Variants in HMCES observed in about 807,000 individuals in gnomAD.
HMCES encodes the protein abasic site processing protein HMCES.
A neutral mutation model predicts 35.1 loss-of-function variants in HMCES; 27 were observed. The observed-to-expected ratio is 0.77, with a 90% CI of 0.57 to 1.06. The LOEUF (loss-of-function observed/expected upper bound fraction) is 1.06, where lower values mean the gene tolerates loss of function less well. Among genes scored for constraint, HMCES ranks in the 50% least tolerant of loss-of-function variants. The pLI is 0.00. For synonymous variants in HMCES, 130 were observed against 154.7 expected (o/e 0.84, Z 1.18); for missense variants, 391 against 430.4 (o/e 0.91, Z 0.81).
chr3:129,304,026 T>G (rs1293671635), intron 6 of HMCES, among the ~76,000 whole-genome samples: 1 of 152,138 alleles, frequency 6.6e-6, no homozygotes, highest in Non-Finnish European at 1.5e-5. Flanking sequence ...ATTACAGGCA[T>G]GCACCACTGT....
chr3:129,291,580 C>A (rs2071015490), intron 4 of HMCES, among the ~76,000 whole-genome samples: 1 of 152,206 alleles, frequency 6.6e-6, no homozygotes, highest in African/African-American at 2.4e-5. Context: ...TTTGTAAGAA[C>A]AGACCACATT....
Position 129,290,728 on chromosome 3 carries a change from A to G in HMCES, c.377A>G (p.Tyr126Cys), listed in dbSNP as rs753745495. 2.8e-5 allele frequency: 45 copies of G among 1,613,514 alleles called. No individual in the cohort carries two copies. Among genetic ancestry groups the G allele is most frequent in the Admixed American group, 1.8e-4 (11 of 59,982 alleles). Reference protein sequence around the residue: ...RRCVVLADGFYEWQRCQGTNQ... With the variant: ...RRCVVLADGFCEWQRCQGTNQ... ...TGTGTCGTTTTAGCAGATGGATTCT[A>G]TGAGTGGCAGCGATGTCAGGGAACA... The change falls in exon 4 of 7, where the codon TAT (tyrosine) becomes TGT (cysteine). Residue 126 changes from tyrosine to cysteine, a missense_variant. Coordinates refer to ENST00000383463, the MANE Select transcript of HMCES (RefSeq NM_020187.3).
At chr3:129,285,497 G>T (rs1194911988) in intron 2 of HMCES, among the ~76,000 whole-genome samples, 4 of 151,928 alleles carry the variant, frequency 2.6e-5, no homozygotes, top group African/African-American at 9.7e-5. Context: ...TGTTGCCCAG[G>T]CTGCAGTGCA....
chr3:129,278,847 A>C (rs1379137822), upstream of HMCES: 1 of 150,802 alleles, frequency 6.6e-6, no homozygotes, highest in Non-Finnish European at 1.5e-5. Context: ...GGGTGGCCAA[A>C]GCGGAGCGGA....
chr3:129,302,038 C>T lies in HMCES; in HGVS notation c.724C>T (p.His242Tyr). Reference protein sequence around the residue: ...VSTQEALKLIHPTENITFHAV... With the variant: ...VSTQEALKLIYPTENITFHAV... Reference sequence around the variant, plus strand: ...AACTCAGGAAGCTCTGAAATTAATCCACCCAACAGAGAACATCACCTTCCA... The same window carrying T: ...AACTCAGGAAGCTCTGAAATTAATCTACCCAACAGAGAACATCACCTTCCA... Residue 242 changes from histidine (H) to tyrosine (Y), a missense_variant, in exon 6 of 7, where the codon CAC becomes TAC. His to Tyr is a moderately conservative substitution (Grantham distance 83). Coordinates refer to ENST00000383463, the MANE Select transcript of HMCES (RefSeq NM_020187.3). 2 of 1,614,146 alleles carry T rather than the reference C, an allele frequency of 1.2e-6. No individual in the cohort carries two copies. The highest frequency in any genetic ancestry group is 1.7e-6 in the Non-Finnish European group (2 of 1,180,018).
intron 3 of HMCES, among the ~76,000 whole-genome samples, chr3:129,289,527 T>C (rs964215744): frequency 2.6e-5 from 4 of 152,220 alleles, no homozygotes; most frequent in African/African-American, 9.6e-5. Flanking sequence ...TGTATTCTTT[T>C]ATTGTTATTG....
intron 5 of HMCES, among the ~76,000 whole-genome samples, chr3:129,299,432 C>T (rs111666642): frequency 2.6e-5 from 4 of 152,226 alleles, no homozygotes; most frequent in African/African-American, 9.6e-5. Context: ...CCTTCTCCTC[C>T]AATTAACTTC....
chr3:129,303,235 G>C (rs931511590), intron 6 of HMCES, among the ~76,000 whole-genome samples: 1 of 152,162 alleles, frequency 6.6e-6, no homozygotes, highest in African/African-American at 2.4e-5. Context: ...AGTAGTGATT[G>C]TTTTTAGGTG....
At chr3:129,300,730 A>T (rs548392090) in intron 5 of HMCES, among the ~76,000 whole-genome samples, 2 of 150,960 alleles carry the variant, frequency 1.3e-5, no homozygotes, top group Non-Finnish European at 2.9e-5. Context: ...CCCCATCTCT[A>T]CTAAAAATAC....
At chr3:129,292,506 T>C (rs2071033173) in intron 4 of HMCES, among the ~76,000 whole-genome samples, 1 of 149,786 alleles carries the variant, frequency 6.7e-6, no homozygotes, top group African/African-American at 2.5e-5. Context: ...TCTTTTTTTT[T>C]TTTTGAGACA....
chr3:129,282,933 G>A (rs755545296), intron 2 of HMCES, among the ~76,000 whole-genome samples: 1 of 152,214 alleles, frequency 6.6e-6, no homozygotes, highest in Non-Finnish European at 1.5e-5. Flanking sequence ...TTGGTTTACA[G>A]TTGTCAAGGG....
At chr3:129,288,264 A>C (rs1183007611) in intron 2 of HMCES, among the ~76,000 whole-genome samples, 1 of 149,124 alleles carries the variant, frequency 6.7e-6, no homozygotes, top group Non-Finnish European at 1.5e-5. Context: ...AACAGAGCGA[A>C]ACTGTCTCTA....
chr3:129,284,128 T>C (rs1272779779), intron 2 of HMCES, among the ~76,000 whole-genome samples: 2 of 152,242 alleles, frequency 1.3e-5, no homozygotes, highest in African/African-American at 4.8e-5. Flanking sequence ...CAAATTTGAG[T>C]ACCTTGATGT....
At chr3:129,295,862 T>C (rs768059472) in intron 4 of HMCES, among the ~76,000 whole-genome samples, 3 of 152,214 alleles carry the variant, frequency 2.0e-5, no homozygotes, top group Non-Finnish European at 4.4e-5. Context: ...TGCTTGGATC[T>C]GCAGTTTGAT....
chr3:129,283,418 A>AC (rs968428832), intron 2 of HMCES, among the ~76,000 whole-genome samples: 73 of 148,830 alleles, frequency 4.9e-4, no homozygotes, highest in African/African-American at 1.7e-3. Context: ...TACAACCTTG[A>AC]CCTCCCAGGC....
At chr3:129,281,581 C>A (rs962693536) in intron 2 of HMCES, among the ~76,000 whole-genome samples, 1 of 152,036 alleles carries the variant, frequency 6.6e-6, no homozygotes, top group Non-Finnish European at 1.5e-5. Flanking sequence ...ATCTCAGCTA[C>A]TTGGGAGGCT....
intron 4 of HMCES, 66 bp downstream of exon 4, chr3:129,290,870 C>A: frequency 1.4e-6 from 2 of 1,459,960 alleles, no homozygotes. Flanking sequence ...ATCCAAAGGA[C>A]ATTTTTTTCT....
chr3:129,291,120 T>G (rs2071010174), intron 4 of HMCES, among the ~76,000 whole-genome samples: 1 of 152,064 alleles, frequency 6.6e-6, no homozygotes, highest in Non-Finnish European at 1.5e-5. Flanking sequence ...GAGGATCACT[T>G]GAACCCACGA....
At position 129,304,273 on chromosome 3, in the gene HMCES, C is replaced by T. The variant is rs1028398308; in HGVS notation, c.829-316C>T. On this transcript the variant is annotated intron_variant, in intron 6 of 6. Coordinates refer to ENST00000383463, the MANE Select transcript of HMCES (RefSeq NM_020187.3). ...CTCTCCAGTCTCGTTTTCCAACACT[C>T]CCCCTGGGTCATGCTGAATTACATT... 2.0e-5 allele frequency among the ~76,000 whole-genome samples: 3 copies of T among 152,186 alleles called. No individual in the cohort carries two copies. In the East Asian group the frequency reaches 5.8e-4, roughly 29 times the overall value.
Sources: gnomAD v4.1 joint callset for allele counts (sites outside exome capture counted in the v4.1 genomes callset) on GRCh38, gnomAD v4.1.1 for gene constraint, MANE v1.5 for transcripts, NCBI Gene and HGNC (gene_info 2026-07-23, HGNC 2026-07-21) for gene names.